Variants in CELSR1 observed in about 807,000 individuals in gnomAD.
CELSR1 encodes adhesion G protein-coupled receptor C1.
Under a neutral mutation model 249.1 loss-of-function variants are expected in CELSR1, and 110 were observed. That is an observed-to-expected ratio of 0.44 (90% confidence interval 0.38 to 0.52). The LOEUF is 0.52. Ranked by LOEUF, CELSR1 falls within the 20% of genes least tolerant of loss-of-function variation. The pLI is 0.00. For missense variants in CELSR1, 4,109 were observed against 4,296.4 expected, an observed-to-expected ratio of 0.96 and a Z score of 1.22; for synonymous variants, 2,113 against 1,900.0, an observed-to-expected ratio of 1.11 and a Z score of -2.92.
At position 46,413,744 on chromosome 22, in the gene CELSR1, A is replaced by G. The variant is rs909387252; in HGVS notation, c.4612-1985T>C. On this transcript the variant is annotated intron_variant, in intron 5 of 34. Coordinates refer to ENST00000674500, the MANE Select transcript of CELSR1 (RefSeq NM_001378328.1). This position sits in a 1 kb window ranked among gnomAD's most constrained non-coding sequence, Gnocchi z 4.7. ...AGCAACAGGTAGGCGAGTGCATTAA[A>G]AATCATCTGTTTTCTCGCTGTGTAA... 4.6e-5 allele frequency among the ~76,000 whole-genome samples: 7 copies of G among 152,198 alleles called. No homozygotes were observed. Among genetic ancestry groups the G allele is most frequent in the South Asian group, 2.1e-4 (1 of 4,832 alleles).
chr22:46,361,225 AGT>A lies in CELSR1; in HGVS notation c.*1996_*1997del, dbSNP rs1325274128. On this transcript the variant is annotated 3_prime_UTR_variant, in exon 35 of 35. Coordinates refer to ENST00000674500, the MANE Select transcript of CELSR1 (RefSeq NM_001378328.1). ...GTAGACTCTTCTCATTTGTAATTCCAGTGTTTTGAACATTAATAAATACACGT... is the reference window on the plus strand; with the variant it reads ...GTAGACTCTTCTCATTTGTAATTCCAGTTTTGAACATTAATAAATACACGT... 2 of 152,574 alleles carry A rather than the reference AGT, an allele frequency of 1.3e-5. No homozygotes were observed. Among genetic ancestry groups the A allele is most frequent in the East Asian group, 3.9e-4 (2 of 5,194 alleles). The allele number at this position is 152,574 out of a possible 1,614,324, so 9.5% of individuals were successfully genotyped here.
chr22:46,405,288 G>A (rs568190957), intron 9 of CELSR1, among the ~76,000 whole-genome samples: 1 of 151,268 alleles, frequency 6.6e-6, no homozygotes, highest in African/African-American at 2.4e-5. Flanking sequence ...GTGAAACCCT[G>A]TCTCTACTAA....
intron 25 of CELSR1, 36 bp from the exon 26 acceptor site, chr22:46,369,840 C>T (rs781334759): frequency 6.3e-7 from 1 of 1,590,254 alleles, no homozygotes; most frequent in South Asian, 1.1e-5. Flanking sequence ...GGGTGAGGGC[C>T]ACGTGCCCAG....
chr22:46,524,749 G>A (rs1416277822), intron 1 of CELSR1, among the ~76,000 whole-genome samples: 2 of 152,194 alleles, frequency 1.3e-5, no homozygotes, highest in East Asian at 1.9e-4. Flanking sequence ...GTCCTTACCC[G>A]AAGCAAAAGC....
rs757418259 is a variant in CELSR1, at chr22:46,389,240, T to A, written c.6555+50A>T. Reference sequence around the variant, plus strand: ...GCCCCACAGCACCCACCCACGGGCATCCGAGTGTCCCCGAGTGTCCCCGAG... The same window carrying A: ...GCCCCACAGCACCCACCCACGGGCAACCGAGTGTCCCCGAGTGTCCCCGAG... On this transcript the variant is annotated intron_variant, in intron 18 of 34. Transcript: ENST00000674500. 4 of 1,587,150 alleles carry A rather than the reference T, an allele frequency of 2.5e-6. No homozygotes were observed. In the African/African-American group the frequency reaches 4.0e-5, roughly 16 times the overall value.
At chr22:46,455,097 G>T (rs1732376480) in intron 2 of CELSR1, among the ~76,000 whole-genome samples, 1 of 152,220 alleles carries the variant, frequency 6.6e-6, no homozygotes, top group African/African-American at 2.4e-5. Flanking sequence ...CCGTGAGTCA[G>T]ATACCACCTG....
At chr22:46,514,307 G>A (rs968561494) in intron 1 of CELSR1, among the ~76,000 whole-genome samples, 4 of 152,136 alleles carry the variant, frequency 2.6e-5, no homozygotes, top group South Asian at 2.1e-4. Flanking sequence ...CAATGGAGCC[G>A]GCATTTCTGA....
In CELSR1 at chr22:46,381,807, G is replaced by C. The variant is rs542831228; in HGVS notation, c.7088+39C>G. ...CCTGTGGAAGCCTCAGGAGCCTCCA[G>C]AACGGGCCCTCCCCGTGTGCCCCGT... is the stretch of plus-strand genomic sequence containing the variant. On this transcript the variant is annotated intron_variant, in intron 21 of 34. Coordinates refer to ENST00000674500, the MANE Select transcript of CELSR1 (RefSeq NM_001378328.1). This position sits in a 1 kb window ranked among gnomAD's most constrained non-coding sequence, Gnocchi z 6.0. 8.5e-6 allele frequency: 13 copies of C among 1,521,852 alleles called. No homozygotes were observed. The highest frequency in any genetic ancestry group is 1.7e-4 in the Middle Eastern group (1 of 5,930). 94.3% of individuals were successfully genotyped at this position (1,521,852 alleles called of 1,614,324 possible). A position where few individuals can be genotyped will look rare whatever the true frequency, so the allele number is the denominator to read the frequency against.
At position 46,411,471 on chromosome 22, in the gene CELSR1, C is replaced by T. The variant is rs1036861803; in HGVS notation, c.4769+131G>A. ...CCCCAACCATGGACAGGATGTCTGA[C>T]TCTAGCCTGGAATGAGGTCGCCAGG... On this transcript the variant is annotated intron_variant, in intron 6 of 34. Transcript: ENST00000674500. The surrounding 1 kb of genome is among the most constrained non-coding windows in gnomAD (Gnocchi z 4.2). 2.0e-6 allele frequency: 2 copies of T among 1,017,222 alleles called. No individual in the cohort carries two copies. Among genetic ancestry groups the T allele is most frequent in the Non-Finnish European group, 2.8e-6 (2 of 706,578 alleles). 63.0% of individuals were successfully genotyped at this position (1,017,222 alleles called of 1,614,324 possible).
In CELSR1 at chr22:46,523,559, T is replaced by TAAATAAAAAAAA. The variant is rs1355440974; in HGVS notation, c.3544+10067_3544+10068insTTTTTTTTATTT. Among the ~76,000 whole-genome samples, 40 of 130,780 alleles carry TAAATAAAAAAAA rather than the reference T, an allele frequency of 3.1e-4. 1 individual carries two copies. The highest frequency in any genetic ancestry group is 6.8e-5 in the Non-Finnish European group (4 of 58,422). The allele number at this position is 130,780 out of a possible 152,430, so 85.8% of individuals were successfully genotyped here. On this transcript the variant is annotated intron_variant, in intron 1 of 34. Transcript: ENST00000674500. ...ATAAATAAATAAATAAATAAATAAA[T>TAAATAAAAAAAA]AAAATAAAAAGAAAGAAAAATCTTG... is the stretch of plus-strand genomic sequence containing the variant.
Position 46,533,610 on chromosome 22 carries a change from C to A in CELSR1, c.3544+17G>T, listed in dbSNP as rs779088917. ...GGCCCATCAGGAGCTACTCCTCCCA[C>A]CCCGACGGCCACTCACCAGACACAG... On this transcript the variant is annotated intron_variant, in intron 1 of 34. Transcript: ENST00000674500. 1.3e-6 allele frequency: 2 copies of A among 1,536,438 alleles called. No individual in the cohort carries two copies. The highest frequency in any genetic ancestry group is 1.7e-6 in the Non-Finnish European group (2 of 1,146,680).
intron 1 of CELSR1, among the ~76,000 whole-genome samples, chr22:46,530,702 T>C (rs571696156): frequency 1.3e-5 from 2 of 152,344 alleles, no homozygotes; most frequent in Admixed American, 1.3e-4. Flanking sequence ...GTGGGCTACA[T>C]AAAACCACCA....
chr22:46,388,774 C>CCA (rs1183561300), intron 18 of CELSR1, among the ~76,000 whole-genome samples: 1 of 152,114 alleles, frequency 6.6e-6, no homozygotes, highest in Non-Finnish European at 1.5e-5. Context: ...ATGACAACTT[C>CCA]CACACACACA....
intron 1 of CELSR1, among the ~76,000 whole-genome samples, chr22:46,491,993 G>A (rs749144178): frequency 5.3e-5 from 8 of 152,178 alleles, no homozygotes; most frequent in Non-Finnish European, 1.2e-4. Flanking sequence ...TTCACCCCAC[G>A]TCTGTTTCAC....
Position 46,381,603 on chromosome 22 carries a change from C to T in CELSR1, c.7088+243G>A, listed in dbSNP as rs2078978467. On this transcript the variant is annotated intron_variant, in intron 21 of 34. Coordinates refer to ENST00000674500, the MANE Select transcript of CELSR1 (RefSeq NM_001378328.1). The surrounding 1 kb of genome is among the most constrained non-coding windows in gnomAD (Gnocchi z 6.0). ...TATGCTGGGGAGGGGGCATTTCTGG[C>T]ACAAACACCAGGATGAGCCCAGGCA... Among the ~76,000 whole-genome samples the T allele has an allele frequency of 6.6e-6, 1 of 152,194 alleles. No individual in the cohort carries two copies. Among genetic ancestry groups the T allele is most frequent in the South Asian group, 2.1e-4 (1 of 4,838 alleles).
intron 1 of CELSR1, among the ~76,000 whole-genome samples, chr22:46,479,963 G>A (rs1004043641): frequency 6.6e-6 from 1 of 152,098 alleles, no homozygotes; most frequent in Non-Finnish European, 1.5e-5. Context: ...TGTTAATTCA[G>A]GGGCTAAGTA....
Position 46,401,373 on chromosome 22 carries a change from T to C in CELSR1, c.5227-1471A>G, listed in dbSNP as rs2079209162. 6.6e-6 allele frequency among the ~76,000 whole-genome samples: 1 copy of C among 152,142 alleles called. No individual in the cohort carries two copies. The highest frequency in any genetic ancestry group is 1.5e-5 in the Non-Finnish European group (1 of 68,034). ...CACCTACGAACATGAGACAAAATAT[T>C]AAAGAATGTCTGTTTGAAGACACTG... On this transcript the variant is annotated intron_variant, in intron 9 of 34. Coordinates refer to ENST00000674500, the MANE Select transcript of CELSR1 (RefSeq NM_001378328.1). The surrounding 1 kb of genome is among the most constrained non-coding windows in gnomAD (Gnocchi z 4.7).
chr22:46,372,757 T>G, intron 25 of CELSR1, 126 bp downstream of exon 25: 4 of 1,252,722 alleles, frequency 3.2e-6, no homozygotes, highest in Admixed American at 2.6e-5. Context: ...GGCCGAGGCC[T>G]CCTCTGCTGG....
chr22:46,367,265 C>T, intron 28 of CELSR1, 147 bp from the exon 29 acceptor site: 6 of 1,155,042 alleles, frequency 5.2e-6, no homozygotes, highest in Non-Finnish European at 7.1e-6. Flanking sequence ...CTCCCCTCCT[C>T]AGGGACTGCT....
Sources: gnomAD v4.1 joint callset for allele counts (sites outside exome capture counted in the v4.1 genomes callset) on GRCh38, gnomAD v4.1.1 for gene constraint, Gnocchi (gnomAD v3.1) non-coding constraint, MANE v1.5 for transcripts, NCBI Gene and HGNC (gene_info 2026-07-23, HGNC 2026-07-21) for gene names.